Variants in BRIP1 observed in about 807,000 individuals in gnomAD.
The protein encoded by BRIP1 is BRCA1 interacting DNA helicase 1.
In BRIP1, 88 loss-of-function variants were observed where a neutral mutation model predicts 119.7. The observed-to-expected ratio is 0.74, with a 90% confidence interval of 0.62 to 0.88. The LOEUF is 0.88. Among genes scored for constraint, BRIP1 ranks in the 40% least tolerant of loss-of-function variants. The pLI, the probability that BRIP1 is intolerant of heterozygous loss-of-function variation, is 0.00. For missense variants in BRIP1, 1,259 were observed against 1,455.4 expected (o/e 0.87, Z 2.20); for synonymous variants, 443 against 496.5 (o/e 0.89, Z 1.43).
chr17:61,784,492 A>G, intron 10 of BRIP1, 68 bp from the exon 11 acceptor site: 10 of 1,408,318 alleles, frequency 7.1e-6, no homozygotes, highest in Non-Finnish European at 8.9e-6. Context: ...CTTCTCAAAA[A>G]TACAATGAAA....
rs2061733524 is a variant in BRIP1 at position 61,708,925 on chromosome 17, C to T, written c.2492+7026G>A. On this transcript the variant is annotated intron_variant, in intron 17 of 19. Transcript: ENST00000259008. The surrounding 1 kb of genome is among the most constrained non-coding windows in gnomAD (Gnocchi z 4.4). ...GAAAAGAAAAGGGGGGTGGAGTTCTCACATTCAGTATGTAAAATCCCCGTA... is the reference window on the plus strand; with the variant it reads ...GAAAAGAAAAGGGGGGTGGAGTTCTTACATTCAGTATGTAAAATCCCCGTA... 6.6e-6 allele frequency among the ~76,000 whole-genome samples: 1 copy of T among 152,152 alleles called. No individual in the cohort carries two copies. Among genetic ancestry groups the T allele is most frequent in the Non-Finnish European group, 1.5e-5 (1 of 68,038 alleles).
At chr17:61,707,932 C>T (rs1208207401) in intron 17 of BRIP1, among the ~76,000 whole-genome samples, 2 of 151,678 alleles carry the variant, frequency 1.3e-5, no homozygotes, top group East Asian at 1.9e-4. Flanking sequence ...CTGCAACCTC[C>T]GCCTCCCAGG....
rs2078227860 is a variant in BRIP1 at position 61,815,797 on chromosome 17, T to C, written c.628-7040A>G. On this transcript the variant is annotated intron_variant, in intron 6 of 19. Coordinates refer to ENST00000259008, the MANE Select transcript of BRIP1 (RefSeq NM_032043.3). This position sits in a 1 kb window ranked among gnomAD's most constrained non-coding sequence, Gnocchi z 4.1. ...GCCCTTTATTTCAAAAAGTCATGCATATGAAGAGCTAGTGGTAAAAGGCCA... is the reference window on the plus strand; with the variant it reads ...GCCCTTTATTTCAAAAAGTCATGCACATGAAGAGCTAGTGGTAAAAGGCCA... Among the ~76,000 whole-genome samples the C allele has an allele frequency of 2.0e-5, 3 of 152,154 alleles. No homozygotes were observed. The highest frequency in any genetic ancestry group is 2.0e-4 in the Admixed American group (3 of 15,262).
Position 61,744,319 on chromosome 17 carries a change from T to A in BRIP1, c.2257+113A>T. The stretch of plus-strand genomic sequence containing the variant: ...CAATTTATTTTCTTTTCACTCAGGA[T>A]TATAATTTTTCTCTTAAGTGTAATT... On this transcript the variant is annotated intron_variant, in intron 15 of 19. Transcript: ENST00000259008. The surrounding 1 kb of genome is among the most constrained non-coding windows in gnomAD (Gnocchi z 5.0). 1 of 1,178,518 alleles carries A rather than the reference T, an allele frequency of 8.5e-7. No homozygotes were observed. The highest frequency in any genetic ancestry group is 1.2e-6 in the Non-Finnish European group (1 of 824,262). 73.0% of individuals were successfully genotyped at this position (1,178,518 alleles called of 1,614,324 possible).
In BRIP1 at chr17:61,860,164, T is replaced by C. The variant is rs1393343889; in HGVS notation, c.94-257A>G. ...TGTGCCAGAATTATGCAAGCATCAA[T>C]GATTTCTGTAAAACCAGAATACATT... On this transcript the variant is annotated intron_variant, in intron 2 of 19. Transcript: ENST00000259008. This position sits in a 1 kb window ranked among gnomAD's most constrained non-coding sequence, Gnocchi z 4.1. Among the ~76,000 whole-genome samples, 1 of 152,222 alleles carries C rather than the reference T, an allele frequency of 6.6e-6. No individual in the cohort carries two copies. The highest frequency in any genetic ancestry group is 6.5e-5 in the Admixed American group (1 of 15,282).
In BRIP1 at chr17:61,833,635, C is replaced by G. The variant is rs996918315; in HGVS notation, c.627+13466G>C. On this transcript the variant is annotated intron_variant, in intron 6 of 19. Coordinates refer to ENST00000259008, the MANE Select transcript of BRIP1 (RefSeq NM_032043.3). Reference sequence around the variant, plus strand: ...GCAGTGAGCCAAAACTGCACCACTGCACTCCAGCCTGGGTGACAAAGCAAG... The same window carrying G: ...GCAGTGAGCCAAAACTGCACCACTGGACTCCAGCCTGGGTGACAAAGCAAG... 7.4e-5 allele frequency among the ~76,000 whole-genome samples: 11 copies of G among 149,102 alleles called. 1 individual carries two copies. Among genetic ancestry groups the G allele is most frequent in the African/African-American group, 1.7e-4 (7 of 40,428 alleles).
chr17:61,743,582 C>T lies in BRIP1; in HGVS notation c.2258-448G>A, dbSNP rs73328559. Among the ~76,000 whole-genome samples, 1,434 of 152,198 alleles carry T rather than the reference C, an allele frequency of 9.4e-3. 27 individuals are homozygous for T. Among genetic ancestry groups the T allele is most frequent in the African/African-American group, 0.033 (1,373 of 41,508 alleles). Reference sequence around the variant, plus strand: ...GTATTGAAAACAGACACAGAGAACACCATAATATATACACCATAAAAAGAT... The same window carrying T: ...GTATTGAAAACAGACACAGAGAACATCATAATATATACACCATAAAAAGAT... On this transcript the variant is annotated intron_variant, in intron 15 of 19. Transcript: ENST00000259008. This position sits in a 1 kb window ranked among gnomAD's most constrained non-coding sequence, Gnocchi z 4.3.
rs1349821853 is a variant in BRIP1 at position 61,810,287 on chromosome 17, C to G, written c.628-1530G>C. Among the ~76,000 whole-genome samples, 1 of 152,134 alleles carries G rather than the reference C, an allele frequency of 6.6e-6. No individual in the cohort carries two copies. The highest frequency in any genetic ancestry group is 1.5e-5 in the Non-Finnish European group (1 of 68,018). Reference sequence around the variant, plus strand: ...CTCTTGTCAACAGTGAGGCAGGAAACAGCTGACATGTGGTTTATGTTACAT... The same window carrying G: ...CTCTTGTCAACAGTGAGGCAGGAAAGAGCTGACATGTGGTTTATGTTACAT... On this transcript the variant is annotated intron_variant, in intron 6 of 19. Coordinates refer to ENST00000259008, the MANE Select transcript of BRIP1 (RefSeq NM_032043.3). This position sits in a 1 kb window ranked among gnomAD's most constrained non-coding sequence, Gnocchi z 4.7.
chr17:61,776,598 T>A lies in BRIP1; in HGVS notation c.1936-36A>T, dbSNP rs2145035691. On this transcript the variant is annotated intron_variant, in intron 13 of 19. Transcript: ENST00000259008. The surrounding 1 kb of genome is among the most constrained non-coding windows in gnomAD (Gnocchi z 5.0). ...AATATGTCATTATTAGAGTTATGCCTGAAAAAGGCATGGAAATTAGTATTT... is the reference window on the plus strand; with the variant it reads ...AATATGTCATTATTAGAGTTATGCCAGAAAAAGGCATGGAAATTAGTATTT... The A allele has an allele frequency of 6.3e-7, 1 of 1,595,246 alleles. No homozygotes were observed. Among genetic ancestry groups the A allele is most frequent in the Non-Finnish European group, 8.6e-7 (1 of 1,163,082 alleles).
Position 61,759,269 on chromosome 17 carries a change from G to T in BRIP1, c.2098-14678C>A, listed in dbSNP as rs957100972. ...AAAATGGAAACCAAAAGAGAGTGGG[G>T]TTATCTATACTTACATAAGACAAAA... On this transcript the variant is annotated intron_variant, in intron 14 of 19. Coordinates refer to ENST00000259008, the MANE Select transcript of BRIP1 (RefSeq NM_032043.3). This position sits in a 1 kb window ranked among gnomAD's most constrained non-coding sequence, Gnocchi z 4.9. 1.3e-5 allele frequency among the ~76,000 whole-genome samples: 2 copies of T among 151,974 alleles called. No homozygotes were observed. The highest frequency in any genetic ancestry group is 6.6e-5 in the Admixed American group (1 of 15,236).
In BRIP1 at chr17:61,806,625, T is replaced by C. The variant is rs2078077161; in HGVS notation, c.918+1842A>G. Among the ~76,000 whole-genome samples the C allele has an allele frequency of 6.6e-6, 1 of 152,208 alleles. No individual in the cohort carries two copies. The highest frequency in any genetic ancestry group is 2.4e-5 in the African/African-American group (1 of 41,448). ...GATTCTAGGTTACACAAAATGAAAC[T>C]GTCTGCCTTCAATACACAATCTTAC... On this transcript the variant is annotated intron_variant, in intron 7 of 19. Coordinates refer to ENST00000259008, the MANE Select transcript of BRIP1 (RefSeq NM_032043.3). This position sits in a 1 kb window ranked among gnomAD's most constrained non-coding sequence, Gnocchi z 4.9.
intron 17 of BRIP1, among the ~76,000 whole-genome samples, chr17:61,696,316 A>C (rs12945292): frequency 0.34 from 51,197 of 151,660 alleles, 8,833 homozygotes; most frequent in East Asian, 0.48. Context: ...TGCTGGGATC[A>C]ATCTTACTTG....
rs1380159295 is a variant in BRIP1 at position 61,793,269 on chromosome 17, C to A, written c.1473+328G>T. On this transcript the variant is annotated intron_variant, in intron 10 of 19. Transcript: ENST00000259008. This position sits in a 1 kb window ranked among gnomAD's most constrained non-coding sequence, Gnocchi z 5.2. ...ATTAAGATGAACAAAATAGGAATTT[C>A]TCCTCTTTTTATTTTCTAAAATTTT... Among the ~76,000 whole-genome samples, 2 of 151,866 alleles carry A rather than the reference C, an allele frequency of 1.3e-5. No individual in the cohort carries two copies. The highest frequency in any genetic ancestry group is 4.8e-5 in the African/African-American group (2 of 41,364).
In BRIP1 at chr17:61,795,655, T is replaced by G. The variant is rs1428630761; in HGVS notation, c.1341-1926A>C. Among the ~76,000 whole-genome samples, 1 of 152,198 alleles carries G rather than the reference T, an allele frequency of 6.6e-6. No individual in the cohort carries two copies. Among genetic ancestry groups the G allele is most frequent in the Non-Finnish European group, 1.5e-5 (1 of 68,012 alleles). On this transcript the variant is annotated intron_variant, in intron 9 of 19. Coordinates refer to ENST00000259008, the MANE Select transcript of BRIP1 (RefSeq NM_032043.3). This position sits in a 1 kb window ranked among gnomAD's most constrained non-coding sequence, Gnocchi z 5.6. ...CACATTTTCTTTATCCATTCATCTG[T>G]TGATGGACATTTAGGCTGCTTTCAA...
In BRIP1 at chr17:61,755,444, A is replaced by G. The variant is rs1324241453; in HGVS notation, c.2098-10853T>C. Among the ~76,000 whole-genome samples, 1 of 152,118 alleles carries G rather than the reference A, an allele frequency of 6.6e-6. No individual in the cohort carries two copies. The highest frequency in any genetic ancestry group is 1.9e-4 in the East Asian group (1 of 5,194). On this transcript the variant is annotated intron_variant, in intron 14 of 19. Transcript: ENST00000259008. This position sits in a 1 kb window ranked among gnomAD's most constrained non-coding sequence, Gnocchi z 4.5. ...TGTGGTGGTGTGTGCCTGTGATCCCAGTTACTCAGGAGGCTGAGGTGGGAG... is the reference window on the plus strand; with the variant it reads ...TGTGGTGGTGTGTGCCTGTGATCCCGGTTACTCAGGAGGCTGAGGTGGGAG...
intron 7 of BRIP1, 30 bp from the exon 8 acceptor site, chr17:61,801,504 G>T (rs2145343993): frequency 6.7e-7 from 1 of 1,494,586 alleles, no homozygotes; most frequent in South Asian, 1.1e-5. Flanking sequence ...ACTGAAATGT[G>T]AACCAATATT....
rs1340070486 is a variant in BRIP1, at chr17:61,841,976, C to G, written c.627+5125G>C. On this transcript the variant is annotated intron_variant, in intron 6 of 19. Coordinates refer to ENST00000259008, the MANE Select transcript of BRIP1 (RefSeq NM_032043.3). The surrounding 1 kb of genome is among the most constrained non-coding windows in gnomAD (Gnocchi z 4.1). ...GATTACTGGTGTGAGCCACCACACC[C>G]AGCCAACACCATGTTTATTGCAGCG... Among the ~76,000 whole-genome samples the G allele has an allele frequency of 6.6e-6, 1 of 152,178 alleles. No homozygotes were observed. Among genetic ancestry groups the G allele is most frequent in the Non-Finnish European group, 1.5e-5 (1 of 68,026 alleles).
At position 61,693,551 on chromosome 17, in the gene BRIP1, C is replaced by T. The variant is rs752172887; in HGVS notation, c.2493-39G>A. 1.4e-5 allele frequency: 22 copies of T among 1,529,168 alleles called. No homozygotes were observed. Among genetic ancestry groups the T allele is most frequent in the Middle Eastern group, 1.8e-4 (1 of 5,624 alleles). The allele number at this position is 1,529,168 out of a possible 1,614,324, so 94.7% of individuals were successfully genotyped here. On this transcript the variant is annotated intron_variant, in intron 17 of 19. Coordinates refer to ENST00000259008, the MANE Select transcript of BRIP1 (RefSeq NM_032043.3). This position sits in a 1 kb window ranked among gnomAD's most constrained non-coding sequence, Gnocchi z 4.2. Reference sequence around the variant, plus strand: ...GGAAAAAGTCAAATAATTATAACATCGGAAATAAATCCAGTTTTCCAGTGG... The same window carrying T: ...GGAAAAAGTCAAATAATTATAACATTGGAAATAAATCCAGTTTTCCAGTGG...
In BRIP1 at chr17:61,719,727, A is replaced by G. The variant is rs558425042; in HGVS notation, c.2380-3664T>C. ...GTGACAGAGTGAGACTCTGTCTCGG[A>G]AAAAAAAAAAAAGGTTAATCTCATA... On this transcript the variant is annotated intron_variant, in intron 16 of 19. Coordinates refer to ENST00000259008, the MANE Select transcript of BRIP1 (RefSeq NM_032043.3). 3.9e-3 allele frequency among the ~76,000 whole-genome samples: 556 copies of G among 143,534 alleles called. 1 individual carries two copies. Among genetic ancestry groups the G allele is most frequent in the African/African-American group, 0.011 (444 of 39,646 alleles). 94.2% of individuals were successfully genotyped at this position (143,534 alleles called of 152,430 possible).
Sources: allele counts gnomAD v4.1 joint callset (sites outside exome capture counted in the v4.1 genomes callset), GRCh38; gene constraint gnomAD v4.1.1; non-coding constraint Gnocchi (gnomAD v3.1); transcripts MANE v1.5; gene names NCBI Gene and HGNC (gene_info 2026-07-23, HGNC 2026-07-21).